The following PREX2 variants were observed in gnomAD, a reference collection of about 807,000 sequenced individuals.
PREX2 encodes phosphatidylinositol 3,4,5-trisphosphate-dependent Rac exchanger 2 protein.
In PREX2, 107 loss-of-function variants were observed where a neutral mutation model predicts 203.2. That is an observed-to-expected ratio of 0.53 (90% confidence interval 0.45 to 0.62). The LOEUF (loss-of-function observed/expected upper bound fraction) is 0.62, where lower values mean the gene tolerates loss of function less well. Among genes scored for constraint, PREX2 ranks in the 20% least tolerant of loss-of-function variants. The pLI, the probability that PREX2 is intolerant of heterozygous loss-of-function variation, is 0.00. For missense variants in PREX2, 1,777 were observed against 1,955.9 expected (o/e 0.91, Z 1.72); for synonymous variants, 672 against 663.6 (o/e 1.01, Z -0.19).
chr8:68,204,547 CTCTG>C (rs372719737), intron 37 of PREX2, among the ~76,000 whole-genome samples: 98 of 152,150 alleles, frequency 6.4e-4, no homozygotes, highest in African/African-American at 2.1e-3. Flanking sequence ...CAATCAAGTT[CTCTG>C]TCTGCGGCCA....
intron 35 of PREX2, among the ~76,000 whole-genome samples, chr8:68,173,529 ACTTATT>A (rs541860265): frequency 1.1e-3 from 174 of 152,266 alleles, no homozygotes; most frequent in Non-Finnish European, 1.9e-3. Flanking sequence ...CCTGGACTGG[ACTTATT>A]CTTATTTTAA....
At chr8:68,099,537 G>A (rs1810197779) in intron 22 of PREX2, 145 bp from the exon 23 acceptor site, 1 of 705,658 alleles carries the variant, frequency 1.4e-6, no homozygotes, top group African/African-American at 1.8e-5. Flanking sequence ...GAACAAAATA[G>A]GAAAGTTGCC....
chr8:68,003,501 T>C (rs1807004897), intron 1 of PREX2, among the ~76,000 whole-genome samples: 1 of 152,186 alleles, frequency 6.6e-6, no homozygotes, highest in Non-Finnish European at 1.5e-5. Flanking sequence ...CTGGAACTTG[T>C]TAACTGAAAG....
Position 67,967,240 on chromosome 8 carries a change from T to A in PREX2, c.141+14705T>A, listed in dbSNP as rs188117576. ...AGGTGAGATTAAACCCAGATGTACATTGCTAATAAATAAAGTTAATAGAAC... is the reference window on the plus strand; with the variant it reads ...AGGTGAGATTAAACCCAGATGTACAATGCTAATAAATAAAGTTAATAGAAC... On this transcript the variant is annotated intron_variant, in intron 1 of 39. Coordinates refer to ENST00000288368, the MANE Select transcript of PREX2 (RefSeq NM_024870.4). Among the ~76,000 whole-genome samples the A allele has an allele frequency of 3.3e-5, 5 of 152,308 alleles. No homozygotes were observed. The South Asian group carries it at 1.0e-3, about 32-fold the overall frequency.
intron 1 of PREX2, among the ~76,000 whole-genome samples, chr8:67,977,819 T>C: frequency 6.6e-6 from 1 of 151,984 alleles, no homozygotes. Context: ...ACATGTAGAG[T>C]TTCCTGGAGG....
At chr8:67,997,544 A>G (rs1011355661) in intron 1 of PREX2, among the ~76,000 whole-genome samples, 62 of 152,186 alleles carry the variant, frequency 4.1e-4, no homozygotes, top group African/African-American at 1.4e-3. Flanking sequence ...ATCAGGGAAT[A>G]TAAGTTGTCT....
At chr8:67,965,077 A>G (rs1805730291) in intron 1 of PREX2, among the ~76,000 whole-genome samples, 2 of 152,200 alleles carry the variant, frequency 1.3e-5, no homozygotes, top group Admixed American at 1.3e-4. Flanking sequence ...AGGAAGGAAC[A>G]GTAGTTCATT....
chr8:68,053,147 A>C lies in PREX2; in HGVS notation c.994A>C (p.Asn332His). ...TGTTGTTAATGGATGGAAGATACAT[A>C]ACACAGCAAAAAATAAATGGTTTGT... Reference protein sequence around the residue: ...HIVVNGWKIHNTAKNKWFVCM... With the variant: ...HIVVNGWKIHHTAKNKWFVCM... Residue 332 changes from asparagine to histidine, a missense_variant, in exon 9 of 40, where the codon AAC (asparagine) becomes CAC (histidine). By Grantham distance (68) the Asn-to-His change is moderately conservative. Coordinates refer to ENST00000288368, the MANE Select transcript of PREX2 (RefSeq NM_024870.4). The C allele has an allele frequency of 6.2e-7, 1 of 1,613,648 alleles. No homozygotes were observed. The highest frequency in any genetic ancestry group is 8.5e-7 in the Non-Finnish European group (1 of 1,179,674).
chr8:68,191,694 T>C lies in PREX2; in HGVS notation c.4347-28T>C, dbSNP rs1199786702. The C allele has an allele frequency of 3.3e-6, 5 of 1,523,118 alleles. No individual in the cohort carries two copies. The South Asian group carries it at 3.4e-5, about 10-fold the overall frequency. 94.4% of individuals were successfully genotyped at this position (1,523,118 alleles called of 1,614,324 possible). ...TATTATGTCTTTTCCTAACAACAAA[T>C]GATAATTTATTTCTTGGATTCTTAC... On this transcript the variant is annotated intron_variant, in intron 35 of 39. Transcript: ENST00000288368.
chr8:68,142,067 G>A (rs1383758264), intron 33 of PREX2, among the ~76,000 whole-genome samples: 1 of 152,050 alleles, frequency 6.6e-6, no homozygotes, highest in Admixed American at 6.6e-5. Flanking sequence ...AGCCTCCCCA[G>A]CTATCAATAG....
intron 23 of PREX2, among the ~76,000 whole-genome samples, chr8:68,104,018 C>A (rs1810340657): frequency 1.3e-5 from 2 of 152,218 alleles, no homozygotes; most frequent in South Asian, 4.1e-4. Flanking sequence ...CCCTGCCCCA[C>A]CCCAGTGCTC....
intron 1 of PREX2, among the ~76,000 whole-genome samples, chr8:67,964,959 C>A (rs1202059232): frequency 6.6e-6 from 1 of 152,248 alleles, no homozygotes; most frequent in South Asian, 2.1e-4. Flanking sequence ...CCGGACTCTT[C>A]TGGATTGTGG....
chr8:68,116,278 G>A (rs763229758), intron 26 of PREX2, among the ~76,000 whole-genome samples: 74 of 152,076 alleles, frequency 4.9e-4, no homozygotes, highest in Admixed American at 1.5e-3. Context: ...TTCTGTCACT[G>A]GTTTATTGGG....
At chr8:68,041,182 A>G (rs1808185662) in intron 7 of PREX2, among the ~76,000 whole-genome samples, 1 of 152,186 alleles carries the variant, frequency 6.6e-6, no homozygotes, top group Admixed American at 6.5e-5. Flanking sequence ...ACAGGATTTT[A>G]AATGACTGTT....
Position 68,217,679 on chromosome 8 carries a change from T to G in PREX2, c.4668T>G (p.Pro1556=). The change falls in exon 38 of 40, where the codon CCT becomes CCG. Residue 1556 remains proline (P), a synonymous_variant. Transcript: ENST00000288368. ...IILARSHGLP[P]RYIMQATDVM... ...TGGCCAGAAGCCACGGACTGCCACC[T>G]CGTTACATCATGCAGGCTACAGATG... The G allele has an allele frequency of 6.2e-7, 1 of 1,614,112 alleles. No individual in the cohort carries two copies. The highest frequency in any genetic ancestry group is 8.5e-7 in the Non-Finnish European group (1 of 1,179,968).
At position 68,144,226 on chromosome 8, in the gene PREX2, A is replaced by G. The variant is rs77360341; in HGVS notation, c.4088-1983A>G. ...GAATTAGTTTGTCACTATCCAAGAA[A>G]TAACCTGTTGGGATTTTACTTGGTG... On this transcript the variant is annotated intron_variant, in intron 33 of 39. Coordinates refer to ENST00000288368, the MANE Select transcript of PREX2 (RefSeq NM_024870.4). Among the ~76,000 whole-genome samples, 623 of 152,286 alleles carry G rather than the reference A, an allele frequency of 4.1e-3. 26 individuals carry two copies. In the East Asian group the frequency reaches 0.092, roughly 23 times the overall value.
chr8:67,997,940 A>AT (rs1186510105), intron 1 of PREX2, among the ~76,000 whole-genome samples: 1 of 152,086 alleles, frequency 6.6e-6, no homozygotes, highest in Non-Finnish European at 1.5e-5. Context: ...TTATTTTAAG[A>AT]TTTTTATCGT....
chr8:68,019,417 G>A, intron 2 of PREX2, 132 bp from the exon 3 acceptor site: 1 of 638,576 alleles, frequency 1.6e-6, no homozygotes, highest in Non-Finnish European at 2.5e-6. Context: ...AGACAAAATT[G>A]AGGCTCTGTC....
intron 29 of PREX2, 83 bp downstream of exon 29, chr8:68,120,369 A>G (rs1217626904): frequency 3.3e-5 from 29 of 871,672 alleles, no homozygotes; most frequent in Non-Finnish European, 4.6e-5. Flanking sequence ...AGCAGATTGC[A>G]TAAGAGGAAC....
Sources: allele counts gnomAD v4.1 joint callset (sites outside exome capture counted in the v4.1 genomes callset), GRCh38; gene constraint gnomAD v4.1.1; transcripts MANE v1.5; gene names NCBI Gene and HGNC (gene_info 2026-07-23, HGNC 2026-07-21).